The following BTBD1 variants were observed in gnomAD, a reference collection of about 807,000 sequenced individuals.
BTBD1 encodes the protein BTB/POZ domain-containing protein 1.
BTBD1 carries 34 observed loss-of-function variants against 48.0 expected under a neutral mutation model. The ratio of observed to expected loss-of-function variants is 0.71; its 90% confidence interval spans 0.54 to 0.94. The LOEUF (loss-of-function observed/expected upper bound fraction) is 0.94, where lower values mean the gene tolerates loss of function less well. BTBD1 is among the 40% of genes least tolerant of loss of function. The pLI, the probability that BTBD1 is intolerant of heterozygous loss-of-function variation, is 0.00. For missense variants in BTBD1, 543 were observed against 625.6 expected (o/e 0.87, Z 1.41); for synonymous variants, 261 against 242.1 (o/e 1.08, Z -0.72).
chr15:83,041,868 A>G lies in BTBD1; in HGVS notation c.722T>C (p.Phe241Ser). The G allele has an allele frequency of 5.6e-6, 9 of 1,614,182 alleles. No individual in the cohort carries two copies. The highest frequency in any genetic ancestry group is 6.8e-6 in the Non-Finnish European group (8 of 1,180,036). Reference protein sequence around the residue: ...DTLSIRESRLFGAVVRWAEAE... With the variant: ...DTLSIRESRLSGAVVRWAEAE... Reference sequence around the variant, plus strand: ...TTCTGCCCAGCGTACAACAGCTCCAAAAAGTCGACTTTCTCGAATACTGAG... The same window carrying G: ...TTCTGCCCAGCGTACAACAGCTCCAGAAAGTCGACTTTCTCGAATACTGAG... The change falls in exon 4 of 8, where the codon TTT (phenylalanine) becomes TCT (serine). Residue 241 changes from phenylalanine to serine, a missense_variant. Phe to Ser is a radical substitution (Grantham distance 155, BLOSUM62 -2). Around this residue, in one of 3 missense-constraint regions of BTBD1, gnomAD observed 300 missense variants for 350.0 expected, o/e 0.86. Coordinates refer to ENST00000261721, the MANE Select transcript of BTBD1 (RefSeq NM_025238.4).
At chr15:83,064,702 G>A (rs757507130) in intron 1 of BTBD1, among the ~76,000 whole-genome samples, 3 of 149,932 alleles carry the variant, frequency 2.0e-5, no homozygotes, top group Non-Finnish European at 4.5e-5. Context: ...TAATGAGGAT[G>A]AGATCTACAC....
intron 5 of BTBD1, among the ~76,000 whole-genome samples, chr15:83,021,649 G>A (rs2032297657): frequency 1.3e-5 from 2 of 152,028 alleles, no homozygotes; most frequent in South Asian, 4.1e-4. Flanking sequence ...AGCTACTAGA[G>A]AAACTGAGGC....
intron 3 of BTBD1, among the ~76,000 whole-genome samples, chr15:83,044,064 T>G (rs2032821391): frequency 6.6e-6 from 1 of 151,990 alleles, no homozygotes; most frequent in Non-Finnish European, 1.5e-5. Flanking sequence ...AAGAGGAAAT[T>G]TGTGAAAAGA....
chr15:83,043,125 C>G (rs2032800248), intron 3 of BTBD1, among the ~76,000 whole-genome samples: 1 of 152,150 alleles, frequency 6.6e-6, no homozygotes, highest in Non-Finnish European at 1.5e-5. Flanking sequence ...GCCCAGGCAA[C>G]AGAGTGAGAC....
intron 1 of BTBD1, 35 bp downstream of exon 1, chr15:83,066,716 C>T: frequency 7.9e-7 from 1 of 1,258,406 alleles, no homozygotes; most frequent in Non-Finnish European, 1.0e-6. Context: ...CGGCCCGGCC[C>T]GGCCCGGCCC....
intron 6 of BTBD1, 121 bp from the exon 7 acceptor site, chr15:83,018,974 G>A (rs2032229442): frequency 5.4e-6 from 1 of 185,418 alleles, no homozygotes; most frequent in African/African-American, 2.6e-5. Flanking sequence ...TCACTCTGTT[G>A]CCTAGCCTTG....
chr15:83,056,071 G>A lies in BTBD1; in HGVS notation c.558+318C>T, dbSNP rs565856453. 5.4e-4 allele frequency among the ~76,000 whole-genome samples: 79 copies of A among 146,376 alleles called. 2 individuals carry two copies. The South Asian group carries it at 6.1e-3, about 11-fold the overall frequency. On this transcript the variant is annotated intron_variant, in intron 2 of 7. Transcript: ENST00000261721. ...ATTACAAGCCCGCGCCACCACAGCC[G>A]GCTAATTTTTATATTTTTAGTAGAG...
rs2032173947 is a variant in BTBD1, at chr15:83,016,721, T to TA, written c.*1345dup. 1 of 152,202 alleles carries TA rather than the reference T, an allele frequency of 6.6e-6. No individual in the cohort carries two copies. The highest frequency in any genetic ancestry group is 2.4e-5 in the African/African-American group (1 of 41,462). 9.4% of individuals were successfully genotyped at this position (152,202 alleles called of 1,614,324 possible). On this transcript the variant is annotated 3_prime_UTR_variant, in exon 8 of 8. Coordinates refer to ENST00000261721, the MANE Select transcript of BTBD1 (RefSeq NM_025238.4). Reference sequence around the variant, plus strand: ...GATAATTCCATTTAACTGAGGTTTATATCCGTAAGAGCATTACCATAGAAA... The same window carrying TA: ...GATAATTCCATTTAACTGAGGTTTATAATCCGTAAGAGCATTACCATAGAAA...
At chr15:83,023,305 A>G (rs1024657330) in intron 5 of BTBD1, among the ~76,000 whole-genome samples, 6 of 152,210 alleles carry the variant, frequency 3.9e-5, no homozygotes, top group African/African-American at 1.4e-4. Context: ...AAATCATTTT[A>G]TGAAGCCTTA....
In BTBD1 at chr15:83,017,833, T is replaced by C; in HGVS notation, c.*234A>G. 2 of 259,450 alleles carry C rather than the reference T, an allele frequency of 7.7e-6. No individual in the cohort carries two copies. The highest frequency in any genetic ancestry group is 1.4e-5 in the Non-Finnish European group (2 of 139,328). 16.1% of individuals were successfully genotyped at this position (259,450 alleles called of 1,614,324 possible). A position where few individuals can be genotyped will look rare whatever the true frequency, so the allele number is the denominator to read the frequency against. ...AAGATGAAGGTGAAAAAGCTGTGCT[T>C]TTTTTTAAACCATTAAACCCAGTTC... On this transcript the variant is annotated 3_prime_UTR_variant, in exon 8 of 8. Coordinates refer to ENST00000261721, the MANE Select transcript of BTBD1 (RefSeq NM_025238.4).
intron 7 of BTBD1, 84 bp from the exon 8 acceptor site, chr15:83,018,309 C>T: frequency 8.9e-7 from 1 of 1,118,250 alleles, no homozygotes; most frequent in Non-Finnish European, 1.2e-6. Context: ...ATTAATGTTC[C>T]ATTATATTTC....
intron 6 of BTBD1, among the ~76,000 whole-genome samples, chr15:83,019,170 G>A (rs780506886): frequency 1.2e-4 from 18 of 151,844 alleles, no homozygotes; most frequent in Non-Finnish European, 2.2e-4. Context: ...AGCAATTTTC[G>A]TGCCTCAGCC....
At position 83,047,756 on chromosome 15, in the gene BTBD1, C is replaced by T. The variant is rs533133991; in HGVS notation, c.664+2317G>A. Among the ~76,000 whole-genome samples, 9 of 152,196 alleles carry T rather than the reference C, an allele frequency of 5.9e-5. No individual in the cohort carries two copies. In the South Asian group the frequency reaches 1.4e-3, roughly 25 times the overall value. Reference sequence around the variant, plus strand: ...ATACTCCCTTGGTCTGTTATATGAGCGTGAAATAAACTTCTGTGTTTGAGC... The same window carrying T: ...ATACTCCCTTGGTCTGTTATATGAGTGTGAAATAAACTTCTGTGTTTGAGC... On this transcript the variant is annotated intron_variant, in intron 3 of 7. Coordinates refer to ENST00000261721, the MANE Select transcript of BTBD1 (RefSeq NM_025238.4).
intron 5 of BTBD1, among the ~76,000 whole-genome samples, chr15:83,021,493 A>G (rs1207312647): frequency 6.6e-6 from 1 of 152,162 alleles, no homozygotes; most frequent in Non-Finnish European, 1.5e-5. Context: ...GGTGGCTCAC[A>G]CTGCAATCCC....
chr15:83,057,620 T>C (rs981031424), intron 1 of BTBD1, among the ~76,000 whole-genome samples: 1 of 152,228 alleles, frequency 6.6e-6, no homozygotes, highest in African/African-American at 2.4e-5. Context: ...TGATCGTTCC[T>C]TTTTTCTCCA....
chr15:83,050,429 CTT>C (rs2032959089), intron 2 of BTBD1, among the ~76,000 whole-genome samples: 1 of 108,164 alleles, frequency 9.2e-6, no homozygotes. Context: ...TTTTTATGTG[CTT>C]GTGTGTGTGT....
chr15:83,056,489 TAA>T lies in BTBD1; in HGVS notation c.456_457del (p.Thr154CysfsTer22). ...TGGGACTGCGTATTTCTTGGCAGTA[TAA>T]AGAGTGGTCATAACTGTTTCTGGAC... On this transcript the variant is annotated frameshift_variant, in exon 2 of 8. Transcript: ENST00000261721. LOFTEE classifies it high-confidence loss of function. The T allele has an allele frequency of 6.2e-7, 1 of 1,613,370 alleles. No individual in the cohort carries two copies. The highest frequency in any genetic ancestry group is 8.5e-7 in the Non-Finnish European group (1 of 1,179,336).
intron 4 of BTBD1, among the ~76,000 whole-genome samples, chr15:83,034,244 G>T (rs2032583229): frequency 6.6e-6 from 1 of 152,142 alleles, no homozygotes; most frequent in Non-Finnish European, 1.5e-5. Flanking sequence ...TCAAAATAAT[G>T]TAAGGCTAAA....
In BTBD1 at chr15:83,017,839, TA is replaced by T. The variant is rs2032200705; in HGVS notation, c.*227del. On this transcript the variant is annotated 3_prime_UTR_variant, in exon 8 of 8. Transcript: ENST00000261721. ...AAGGTGAAAAAGCTGTGCTTTTTTT[TA>T]AACCATTAAACCCAGTTCTTTTCTC... is the stretch of plus-strand genomic sequence containing the variant. The T allele has an allele frequency of 3.7e-6, 1 of 269,184 alleles. No individual in the cohort carries two copies. Among genetic ancestry groups the T allele is most frequent in the African/African-American group, 2.2e-5 (1 of 45,470 alleles). The allele number at this position is 269,184 out of a possible 1,614,324, so 16.7% of individuals were successfully genotyped here. A position where few individuals can be genotyped will look rare whatever the true frequency, so the allele number is the denominator to read the frequency against.
Sources: allele counts gnomAD v4.1 joint callset (sites outside exome capture counted in the v4.1 genomes callset), GRCh38; gene constraint gnomAD v4.1.1; regional missense constraint gnomAD v4.1.1; transcripts MANE v1.5; gene names NCBI Gene and HGNC (gene_info 2026-07-23, HGNC 2026-07-21).